The following GABRR1 variants were observed in gnomAD, a reference collection of about 807,000 sequenced individuals.
GABRR1 encodes gamma-aminobutyric acid receptor subunit rho-1.
A neutral mutation model predicts 55.5 loss-of-function variants in GABRR1; 59 were observed. That is an observed-to-expected ratio of 1.06 (90% CI 0.86 to 1.32). The LOEUF is 1.32. GABRR1 is among the 40% of genes most tolerant of loss of function. The pLI is 0.00. For synonymous variants in GABRR1, 213 were observed against 226.0 expected, an observed-to-expected ratio of 0.94 and a Z score of 0.51; for missense variants, 602 against 619.1, an observed-to-expected ratio of 0.97 and a Z score of 0.29.
At chr6:89,204,099 G>A (rs1364668187) in intron 1 of GABRR1, among the ~76,000 whole-genome samples, 1 of 152,144 alleles carries the variant, frequency 6.6e-6, no homozygotes, top group Non-Finnish European at 1.5e-5. Context: ...GGTAGTCCTG[G>A]CTTCCTCCTA....
rs1481770934 is a variant in GABRR1 at position 89,190,024 on chromosome 6, C to T, written c.655+141G>A. On this transcript the variant is annotated intron_variant, in intron 6 of 9. Transcript: ENST00000454853. The stretch of plus-strand genomic sequence containing the variant: ...CTGCGCCACGGCATTCCAGCCCAGG[C>T]GACAGTGTGAGACTCCATCTCAAAA... The T allele has an allele frequency of 1.5e-5, 7 of 458,012 alleles. No homozygotes were observed. The East Asian group carries it at 2.2e-4, about 14-fold the overall frequency. The allele number at this position is 458,012 out of a possible 1,614,324, so 28.4% of individuals were successfully genotyped here. A position where few individuals can be genotyped will look rare whatever the true frequency, so the allele number is the denominator to read the frequency against.
chr6:89,225,388 A>T (rs1269924278), intron 1 of GABRR1, among the ~76,000 whole-genome samples: 5 of 133,958 alleles, frequency 3.7e-5, no homozygotes, highest in Admixed American at 3.7e-4. Context: ...AGCATTAGGT[A>T]TATCTCCCAA....
At chr6:89,223,925 A>C (rs1194749223) in intron 1 of GABRR1, among the ~76,000 whole-genome samples, 1 of 151,108 alleles carries the variant, frequency 6.6e-6, no homozygotes, top group Non-Finnish European at 1.5e-5. Context: ...CACCATGCCC[A>C]GCTTATTTTT....
chr6:89,217,820 C>T (rs1363201374), upstream of GABRR1: 2 of 153,006 alleles, frequency 1.3e-5, no homozygotes, highest in African/African-American at 2.4e-5. Flanking sequence ...TTCCTGCCCC[C>T]ACTTCCTGTG....
upstream of GABRR1, among the ~76,000 whole-genome samples, chr6:89,220,463 T>C (rs1352561038): frequency 6.6e-6 from 1 of 152,232 alleles, no homozygotes; most frequent in African/African-American, 2.4e-5. Flanking sequence ...CAACCATGCA[T>C]CCCTCTTACT....
chr6:89,212,708 G>A (rs1335913335), intron 1 of GABRR1, among the ~76,000 whole-genome samples: 7 of 151,812 alleles, frequency 4.6e-5, no homozygotes, highest in Non-Finnish European at 1.0e-4. Flanking sequence ...GGTCAGATGG[G>A]CCCAGGCTGA....
Position 89,181,717 on chromosome 6 carries a change from G to A in GABRR1, c.949+188C>T, listed in dbSNP as rs181722817. On this transcript the variant is annotated intron_variant, in intron 8 of 9. Transcript: ENST00000454853. ...TTGGATGGGCACCTGCAGAGTCCTG[G>A]AAAGCATTTTGCTACATAGATTCCT... Among the ~76,000 whole-genome samples the A allele has an allele frequency of 3.5e-3, 530 of 152,284 alleles. 2 individuals are homozygous for A. The highest frequency in any genetic ancestry group is 0.011 in the South Asian group (51 of 4,826).
intron 5 of GABRR1, among the ~76,000 whole-genome samples, chr6:89,196,970 G>A (rs546863318): frequency 1.3e-5 from 2 of 152,250 alleles, no homozygotes; most frequent in South Asian, 4.2e-4. Context: ...TGGGGAAGGG[G>A]TTGCACATCC....
intron 1 of GABRR1, among the ~76,000 whole-genome samples, chr6:89,203,782 G>A (rs745532982): frequency 1.6e-4 from 24 of 152,284 alleles, no homozygotes; most frequent in South Asian, 6.2e-4. Flanking sequence ...CTTTTAGAAG[G>A]CTCTTAAGGA....
chr6:89,225,939 T>C (rs1773193977), intron 1 of GABRR1, among the ~76,000 whole-genome samples: 1 of 148,856 alleles, frequency 6.7e-6, no homozygotes, highest in African/African-American at 2.5e-5. Context: ...GTTTCCTGAC[T>C]TTTTAATGAT....
chr6:89,218,307 A>G (rs529770279), upstream of GABRR1, among the ~76,000 whole-genome samples: 3 of 152,338 alleles, frequency 2.0e-5, no homozygotes, highest in South Asian at 6.2e-4. Context: ...CCAAGATCCA[A>G]TAGAATGAGA....
intron 7 of GABRR1, among the ~76,000 whole-genome samples, chr6:89,184,264 A>AAAT (rs1562284259): frequency 1.3e-5 from 2 of 149,712 alleles, no homozygotes. Context: ...AAAAAAAAAA[A>AAAT]AAATTCCTAG....
At chr6:89,227,157 G>T (rs1269275952) in intron 1 of GABRR1, among the ~76,000 whole-genome samples, 3,173 of 108,436 alleles carry the variant, frequency 0.029, 12 homozygotes, top group Middle Eastern at 0.05. Flanking sequence ...AGCTTAAGGA[G>T]GTTTTGGGCT....
intron 5 of GABRR1, among the ~76,000 whole-genome samples, chr6:89,195,046 A>T (rs1191073079): frequency 6.6e-6 from 1 of 152,224 alleles, no homozygotes; most frequent in Admixed American, 6.5e-5. Flanking sequence ...GTCTGAGGAC[A>T]CCAAACAGAA....
At chr6:89,199,933 C>T (rs980195236) in intron 3 of GABRR1, among the ~76,000 whole-genome samples, 26 of 152,158 alleles carry the variant, frequency 1.7e-4, no homozygotes, top group African/African-American at 5.8e-4. Flanking sequence ...GACAGGATGC[C>T]TGTTTTAAGG....
intron 6 of GABRR1, 114 bp from the exon 7 acceptor site, chr6:89,185,564 T>C: frequency 4.4e-6 from 4 of 899,798 alleles, no homozygotes; most frequent in Non-Finnish European, 6.9e-6. Flanking sequence ...GATTGTGATA[T>C]GATAGTTTGA....
chr6:89,188,552 C>A (rs1582380402), intron 6 of GABRR1, among the ~76,000 whole-genome samples: 1 of 152,000 alleles, frequency 6.6e-6, no homozygotes, highest in East Asian at 1.9e-4. Context: ...CATTTGTATA[C>A]CGTCTTTGGA....
At chr6:89,214,871 T>A (rs986541968) in intron 1 of GABRR1, among the ~76,000 whole-genome samples, 1 of 151,834 alleles carries the variant, frequency 6.6e-6, no homozygotes, top group East Asian at 1.9e-4. Flanking sequence ...GAAAAAAAAA[T>A]TTTTTTAATT....
At chr6:89,194,231 C>T (rs1360343643) in intron 5 of GABRR1, among the ~76,000 whole-genome samples, 1 of 152,134 alleles carries the variant, frequency 6.6e-6, no homozygotes, top group African/African-American at 2.4e-5. Context: ...CTGTAGGTCC[C>T]CTGGGCACGA....
Sources: allele counts gnomAD v4.1 joint callset (sites outside exome capture counted in the v4.1 genomes callset), GRCh38; gene constraint gnomAD v4.1.1; transcripts MANE v1.5; gene names NCBI Gene and HGNC (gene_info 2026-07-23, HGNC 2026-07-21).